TNRC6C: variants seen among roughly 807,000 people sequenced by gnomAD.
TNRC6C encodes the protein trinucleotide repeat-containing gene 6C protein.
A neutral mutation model predicts 153.7 loss-of-function variants in TNRC6C; 20 were observed. That is an observed-to-expected ratio of 0.13 (90% CI 0.09 to 0.19). The LOEUF is 0.19. Ranked by LOEUF, TNRC6C falls within the 10% of genes least tolerant of loss-of-function variation. The pLI is 1.00. For synonymous variants in TNRC6C, 811 were observed against 841.4 expected, an observed-to-expected ratio of 0.96 and a Z score of 0.63; for missense variants, 1,987 against 2,172.0, an observed-to-expected ratio of 0.91 and a Z score of 1.69.
In TNRC6C at chr17:78,104,335, TCA is replaced by T. The variant is rs1319761385; in HGVS notation, c.4713-147_4713-146del. The stretch of plus-strand genomic sequence containing the variant: ...TAGAAGTCTGAACTGAGCAAAACAT[TCA>T]CAGTCTGGGTTTGGAAATAGCAGTG... On this transcript the variant is annotated intron_variant, in intron 19 of 19. Coordinates refer to ENST00000301624, the Ensembl canonical transcript of TNRC6C. The surrounding 1 kb of genome is among the most constrained non-coding windows in gnomAD (Gnocchi z 6.2). The T allele has an allele frequency of 1.4e-5, 16 of 1,106,160 alleles. No homozygotes were observed. The East Asian group carries it at 3.4e-4, about 23-fold the overall frequency. 68.5% of individuals were successfully genotyped at this position (1,106,160 alleles called of 1,614,324 possible).
At chr17:78,106,638 A>C (rs2073702499) in exon 20 of TNRC6C, 1 of 152,036 alleles carries the variant, frequency 6.6e-6, no homozygotes, top group Non-Finnish European at 1.5e-5. Context: ...TATTTACCAA[A>C]TAATGGACTC....
intron 1 of TNRC6C, among the ~76,000 whole-genome samples, chr17:77,987,020 T>C (rs2071179483): frequency 6.6e-6 from 1 of 152,170 alleles, no homozygotes; most frequent in Admixed American, 6.5e-5. Flanking sequence ...ATGAAAATTT[T>C]TGGTAGAATT....
At chr17:78,028,169 A>G (rs982300314) in intron 1 of TNRC6C, among the ~76,000 whole-genome samples, 1 of 152,184 alleles carries the variant, frequency 6.6e-6, no homozygotes, top group Non-Finnish European at 1.5e-5. Flanking sequence ...TGCTGGGATT[A>G]CAGGCGTGAG....
chr17:77,976,093 G>GT, intron 1 of TNRC6C, among the ~76,000 whole-genome samples: 1 of 152,250 alleles, frequency 6.6e-6, no homozygotes. Flanking sequence ...CAGGATTATT[G>GT]TAAGAATTAA....
At chr17:77,959,670 G>A (rs2070844738) in intron 1 of TNRC6C, among the ~76,000 whole-genome samples, 1 of 152,146 alleles carries the variant, frequency 6.6e-6, no homozygotes, top group Non-Finnish European at 1.5e-5. Context: ...GCCGTTGTTT[G>A]GGGGAAGAGA....
At chr17:77,991,433 G>A (rs112013461) in intron 1 of TNRC6C, among the ~76,000 whole-genome samples, 6 of 152,176 alleles carry the variant, frequency 3.9e-5, no homozygotes, top group Admixed American at 6.5e-5. Flanking sequence ...AGATGGGCAC[G>A]TTTAGAGACA....
chr17:78,072,050 T>C (rs1053412141), intron 6 of TNRC6C, among the ~76,000 whole-genome samples: 1 of 152,236 alleles, frequency 6.6e-6, no homozygotes, highest in African/African-American at 2.4e-5. Flanking sequence ...CAAATTAGTG[T>C]TTATCTTTCA....
chr17:78,027,768 G>C (rs1446444359), intron 1 of TNRC6C, among the ~76,000 whole-genome samples: 1 of 152,202 alleles, frequency 6.6e-6, no homozygotes, highest in Non-Finnish European at 1.5e-5. Flanking sequence ...ACATCCCAAT[G>C]TAAGTGATGG....
chr17:78,038,894 T>G (rs2072234795), intron 2 of TNRC6C, among the ~76,000 whole-genome samples: 3 of 152,002 alleles, frequency 2.0e-5, no homozygotes, highest in African/African-American at 7.3e-5. Flanking sequence ...CTCAAGACCC[T>G]GTAATCACCG....
chr17:78,081,835 C>T (rs1012167725), intron 10 of TNRC6C, among the ~76,000 whole-genome samples: 2 of 152,144 alleles, frequency 1.3e-5, no homozygotes, highest in Admixed American at 6.6e-5. Flanking sequence ...TGTGCCGTCT[C>T]ACTGTTTCTT....
intron 13 of TNRC6C, among the ~76,000 whole-genome samples, chr17:78,088,490 A>G (rs1447809018): frequency 6.6e-6 from 1 of 151,964 alleles, no homozygotes; most frequent in Non-Finnish European, 1.5e-5. Context: ...CCTAAGTGTT[A>G]GGATTACAGG....
chr17:78,038,678 CAAAA>C lies in TNRC6C; in HGVS notation c.-219+6853_-219+6856del, dbSNP rs751760738. 5.8e-3 allele frequency among the ~76,000 whole-genome samples: 355 copies of C among 61,234 alleles called. 1 individual carries two copies. The highest frequency in any genetic ancestry group is 0.024 in the Middle Eastern group (2 of 82). 40.2% of individuals were successfully genotyped at this position (61,234 alleles called of 152,430 possible). ...TGGGCGACAGAGCGAGACTCCGTGTCAAAAAAAAAAAAAAAAAAAAGTATTTCCT... is the reference window on the plus strand; with the variant it reads ...TGGGCGACAGAGCGAGACTCCGTGTCAAAAAAAAAAAAAAAAGTATTTCCT... On this transcript the variant is annotated intron_variant, in intron 2 of 19. Transcript: ENST00000301624.
At position 78,031,454 on chromosome 17, in the gene TNRC6C, G is replaced by C. The variant is rs527959339; in HGVS notation, c.-545-62G>C. 3.4e-6 allele frequency: 4 copies of C among 1,176,642 alleles called. No individual in the cohort carries two copies. The South Asian group carries it at 1.3e-4, about 39-fold the overall frequency. The allele number at this position is 1,176,642 out of a possible 1,614,324, so 72.9% of individuals were successfully genotyped here. A position where few individuals can be genotyped will look rare whatever the true frequency, so the allele number is the denominator to read the frequency against. ...TTTTTGGTTATGGTTTCCTTGGTTT[G>C]GGTTGGGTTTTAAAGGGGTCTAGCT... On this transcript the variant is annotated intron_variant, in intron 1 of 19. Transcript: ENST00000301624.
exon 2 of TNRC6C, chr17:78,031,794 C>T (rs919879193): frequency 8.1e-7 from 1 of 1,232,286 alleles, no homozygotes; most frequent in Non-Finnish European, 1.0e-6. Context: ...AAGCCCACCT[C>T]CCCTACCTGG....
rs2072464323 is a variant in TNRC6C at position 78,049,031 on chromosome 17, C to T, written c.-32C>T. 6.8e-7 allele frequency: 1 copy of T among 1,480,532 alleles called. No individual in the cohort carries two copies. Among genetic ancestry groups the T allele is most frequent in the Non-Finnish European group, 9.0e-7 (1 of 1,115,756 alleles). 91.7% of individuals were successfully genotyped at this position (1,480,532 alleles called of 1,614,324 possible). ...TCAGAATGTACTACAGACACTGACT[C>T]TGCCTCCAACTGTGGCTCAGAGAAC... On this transcript the variant is annotated 5_prime_UTR_variant, in exon 3 of 20. Transcript: ENST00000301624. The surrounding 1 kb of genome is among the most constrained non-coding windows in gnomAD (Gnocchi z 4.1).
At chr17:77,977,891 CTTTTTTTTTT>C in intron 1 of TNRC6C, among the ~76,000 whole-genome samples, 1 of 114,146 alleles carries the variant, frequency 8.8e-6, no homozygotes, top group South Asian at 2.9e-4. Flanking sequence ...TTTAAAACCT[CTTTTTTTTTT>C]TTTTTTTTTT....
At chr17:78,081,831 G>A (rs761180004) in intron 10 of TNRC6C, among the ~76,000 whole-genome samples, 14 of 152,084 alleles carry the variant, frequency 9.2e-5, no homozygotes, top group Middle Eastern at 3.2e-3. Context: ...TCTGTGTGCC[G>A]TCTCACTGTT....
intron 1 of TNRC6C, among the ~76,000 whole-genome samples, chr17:78,014,090 A>C (rs563730773): frequency 1.3e-5 from 2 of 152,194 alleles, no homozygotes; most frequent in Admixed American, 1.3e-4. Flanking sequence ...AAAATACCTA[A>C]GATTACTGCT....
intron 1 of TNRC6C, among the ~76,000 whole-genome samples, chr17:77,985,447 A>C (rs1382998471): frequency 6.6e-6 from 1 of 151,878 alleles, no homozygotes; most frequent in African/African-American, 2.4e-5. Context: ...CAAAAAAAAA[A>C]AAAAATTAGC....
Sources: gnomAD v4.1 joint callset for allele counts (sites outside exome capture counted in the v4.1 genomes callset) on GRCh38, gnomAD v4.1.1 for gene constraint, Gnocchi (gnomAD v3.1) non-coding constraint, MANE v1.5 for transcripts, NCBI Gene and HGNC (gene_info 2026-07-23, HGNC 2026-07-21) for gene names.